Variants in KIF11 observed in about 807,000 individuals in gnomAD.
KIF11 encodes kinesin-like protein KIF11.
A neutral mutation model predicts 121.0 loss-of-function variants in KIF11; 9 were observed. That is an observed-to-expected ratio of 0.07 (90% CI 0.04 to 0.13). The LOEUF is 0.13. Ranked by LOEUF, KIF11 falls within the 10% of genes least tolerant of loss-of-function variation. KIF11 has a pLI of 1.00. For missense variants in KIF11, 846 were observed against 1,217.5 expected (o/e 0.69, Z 4.54); for synonymous variants, 408 against 421.0 (o/e 0.97, Z 0.38).
chr10:92,633,657 T>C lies in KIF11; in HGVS notation c.1737T>C (p.Asp579=), dbSNP rs370645463. 15 of 1,607,394 alleles carry C rather than the reference T, an allele frequency of 9.3e-6. No homozygotes were observed. The highest frequency in any genetic ancestry group is 1.3e-5 in the African/African-American group (1 of 74,794). The change falls in exon 14 of 22, where the codon GAT becomes GAC. Residue 579 remains aspartate (D), a synonymous_variant. Coordinates refer to ENST00000260731, the MANE Select transcript of KIF11 (RefSeq NM_004523.4). ...TGTCTTCCAGTGTCTCTGCATTAGA[T>C]ACCATTACTACAGTAGCACTTGGAT... is the stretch of plus-strand genomic sequence containing the variant. ...NLLSSSVSAL[D]TITTVALGSL...
chr10:92,630,654 G>C (rs1844727320), intron 12 of KIF11, among the ~76,000 whole-genome samples: 2 of 152,066 alleles, frequency 1.3e-5, no homozygotes, highest in South Asian at 4.1e-4. Flanking sequence ...GATGACCTGA[G>C]GTCAGGTGTT....
Position 92,613,460 on chromosome 10 carries a change from C to G in KIF11, c.873C>G (p.Ser291=). The change falls in exon 8 of 22, where the codon TCC becomes TCG. Residue 291 remains serine, a synonymous_variant. Transcript: ENST00000260731. The surrounding 1 kb of genome is among the most constrained non-coding windows in gnomAD (Gnocchi z 4.2). ...RAREAGNINQ[S]LLTLGRVITA... ...GGGAAGCTGGAAATATAAATCAATC[C>G]CTGTTGACTTTGGGAAGGGTCATTA... 1 of 1,612,232 alleles carries G rather than the reference C, an allele frequency of 6.2e-7. No individual in the cohort carries two copies. Among genetic ancestry groups the G allele is most frequent in the Non-Finnish European group, 8.5e-7 (1 of 1,178,480 alleles).
At chr10:92,598,448 C>T (rs1271609463) in intron 1 of KIF11, among the ~76,000 whole-genome samples, 1 of 152,148 alleles carries the variant, frequency 6.6e-6, no homozygotes, top group Non-Finnish European at 1.5e-5. Flanking sequence ...TTCCATTGGT[C>T]TATAAGTCTG....
In KIF11 at chr10:92,613,987, AGT is replaced by A. The variant is rs1844523631; in HGVS notation, c.1032+369_1032+370del. Among the ~76,000 whole-genome samples the A allele has an allele frequency of 2.5e-4, 37 of 146,754 alleles. No homozygotes were observed. The highest frequency in any genetic ancestry group is 2.4e-3 in the Admixed American group (34 of 14,078). On this transcript the variant is annotated intron_variant, in intron 8 of 21. Coordinates refer to ENST00000260731, the MANE Select transcript of KIF11 (RefSeq NM_004523.4). The surrounding 1 kb of genome is among the most constrained non-coding windows in gnomAD (Gnocchi z 4.2). Reference sequence around the variant, plus strand: ...GGAGACCCCATCTCAAAAAAAAAAAAGTATGTGTATAAAAAAAAAGAAAAGTA... The same window carrying A: ...GGAGACCCCATCTCAAAAAAAAAAAAATGTGTATAAAAAAAAAGAAAAGTA...
intron 20 of KIF11, 23 bp downstream of exon 20, chr10:92,650,009 T>C (rs1844963911): frequency 5.1e-6 from 8 of 1,567,330 alleles, no homozygotes; most frequent in Non-Finnish European, 7.0e-6. Flanking sequence ...GATCATATTT[T>C]ATAATAGAAC....
chr10:92,614,021 T>TATAC (rs1284311727), intron 8 of KIF11, among the ~76,000 whole-genome samples: 1,325 of 126,962 alleles, frequency 0.01, 11 homozygotes, highest in Middle Eastern at 0.019. Flanking sequence ...AGTATGTGTA[T>TATAC]ACACACACAC....
intron 8 of KIF11, among the ~76,000 whole-genome samples, chr10:92,616,219 T>C (rs1844556326): frequency 6.6e-6 from 1 of 151,884 alleles, no homozygotes; most frequent in South Asian, 2.1e-4. Context: ...TTTTTTGTTT[T>C]TTTTTTTTGA....
In KIF11 at chr10:92,627,224, G is replaced by A. The variant is rs373949679; in HGVS notation, c.1218-1584G>A. ...TCACGGAAGAATCTTTGTCATTTAAGCATAATGTGAAATAGAAAATTGTTG... is the reference window on the plus strand; with the variant it reads ...TCACGGAAGAATCTTTGTCATTTAAACATAATGTGAAATAGAAAATTGTTG... On this transcript the variant is annotated intron_variant, in intron 10 of 21. Coordinates refer to ENST00000260731, the MANE Select transcript of KIF11 (RefSeq NM_004523.4). Among the ~76,000 whole-genome samples the A allele has an allele frequency of 4.6e-5, 7 of 152,290 alleles. No individual in the cohort carries two copies. The South Asian group carries it at 1.2e-3, about 27-fold the overall frequency.
chr10:92,633,160 A>C (rs1844757799), intron 13 of KIF11, among the ~76,000 whole-genome samples: 1 of 152,092 alleles, frequency 6.6e-6, no homozygotes, highest in African/African-American at 2.4e-5. Context: ...CTTTAGAAAA[A>C]AGTATGTTTA....
intron 9 of KIF11, among the ~76,000 whole-genome samples, chr10:92,618,226 T>C (rs1844579689): frequency 1.3e-5 from 2 of 152,094 alleles, no homozygotes; most frequent in African/African-American, 2.4e-5. Context: ...TAATGAGATA[T>C]GATTTGCAAA....
rs561251908 is a variant in KIF11 at position 92,596,698 on chromosome 10, C to A, written c.77+3246C>A. 1.7e-4 allele frequency among the ~76,000 whole-genome samples: 26 copies of A among 152,068 alleles called. No individual in the cohort carries two copies. In the South Asian group the frequency reaches 4.6e-3, roughly 27 times the overall value. ...AGAAATGTCTGTTTAAGTCCTTTGCCCATTTTTAAATTGGTTTGCTTTTTT... is the reference window on the plus strand; with the variant it reads ...AGAAATGTCTGTTTAAGTCCTTTGCACATTTTTAAATTGGTTTGCTTTTTT... On this transcript the variant is annotated intron_variant, in intron 1 of 21. Coordinates refer to ENST00000260731, the MANE Select transcript of KIF11 (RefSeq NM_004523.4).
At chr10:92,648,108 C>CAA (rs34357393) in intron 18 of KIF11, 104 bp from the exon 19 acceptor site, 474 of 683,326 alleles carry the variant, frequency 6.9e-4, no homozygotes, top group African/African-American at 1.2e-3. Context: ...GACTTGTCTC[C>CAA]AAAAAAAAAA....
intron 21 of KIF11, 48 bp downstream of exon 21, chr10:92,650,565 T>G: frequency 1.0e-6 from 1 of 994,806 alleles, no homozygotes; most frequent in Non-Finnish European, 1.6e-6. Context: ...AGTCATTCAT[T>G]TACTATTCAT....
At chr10:92,601,546 C>G (rs781184543) in intron 1 of KIF11, among the ~76,000 whole-genome samples, 2 of 152,056 alleles carry the variant, frequency 1.3e-5, no homozygotes, top group Middle Eastern at 3.4e-3. Context: ...CTAGCTAGAA[C>G]TTACAGTATT....
intron 4 of KIF11, among the ~76,000 whole-genome samples, chr10:92,607,923 G>A (rs1440535021): frequency 6.6e-6 from 1 of 151,996 alleles, no homozygotes; most frequent in Non-Finnish European, 1.5e-5. Flanking sequence ...GGGAGGCTGA[G>A]GCGGGCAGAT....
chr10:92,593,969 G>C (rs1252711900), intron 1 of KIF11, among the ~76,000 whole-genome samples: 1 of 152,174 alleles, frequency 6.6e-6, no homozygotes, highest in African/African-American at 2.4e-5. Context: ...GTAAATTTCT[G>C]ATTGTGCTGC....
chr10:92,651,934 C>G (rs543998727), intron 21 of KIF11, among the ~76,000 whole-genome samples: 57 of 133,070 alleles, frequency 4.3e-4, no homozygotes, highest in African/African-American at 1.5e-3. Flanking sequence ...AGTTGAAGTT[C>G]TACTTCTGAG....
At chr10:92,619,599 A>G (rs1470768247) in intron 9 of KIF11, among the ~76,000 whole-genome samples, 1 of 152,072 alleles carries the variant, frequency 6.6e-6, no homozygotes, top group African/African-American at 2.4e-5. Flanking sequence ...ATCATTTTAC[A>G]GTGTATGAGT....
At position 92,637,463 on chromosome 10, in the gene KIF11, C is replaced by T. The variant is rs1844818700; in HGVS notation, c.2078C>T (p.Thr693Ile). Residue 693 changes from threonine to isoleucine, a missense_variant, in exon 16 of 22, where the codon ACC (threonine) becomes ATC (isoleucine). Physicochemically the swap from Thr to Ile is moderately conservative, Grantham distance 89. Coordinates refer to ENST00000260731, the MANE Select transcript of KIF11 (RefSeq NM_004523.4). ...AATCTACATGAACTACAAGAAAATA[C>T]CATTTGTTCCTTGGTTGAGTCACAA... is the stretch of plus-strand genomic sequence containing the variant. ...CNNLHELQEN[T>I]ICSLVESQKQ... 1 of 1,607,160 alleles carries T rather than the reference C, an allele frequency of 6.2e-7. No individual in the cohort carries two copies. The highest frequency in any genetic ancestry group is 1.1e-5 in the South Asian group (1 of 89,330).
Sources: allele counts gnomAD v4.1 joint callset (sites outside exome capture counted in the v4.1 genomes callset), GRCh38; gene constraint gnomAD v4.1.1; non-coding constraint Gnocchi (gnomAD v3.1); transcripts MANE v1.5; gene names NCBI Gene and HGNC (gene_info 2026-07-23, HGNC 2026-07-21).